LRRC1: variants seen among roughly 807,000 people sequenced by gnomAD.
LRRC1 encodes the protein leucine rich repeat containing 1, also known as leucine-rich repeat-containing protein 1.
LRRC1 carries 28 observed loss-of-function variants against 69.9 expected under a neutral mutation model. That is an observed-to-expected ratio of 0.40 (90% CI 0.30 to 0.55). LRRC1 has a LOEUF of 0.55. Ranked by LOEUF, LRRC1 falls within the 20% of genes least tolerant of loss-of-function variation. LRRC1 has a pLI of 0.47. For synonymous variants in LRRC1, 236 were observed against 240.2 expected, an observed-to-expected ratio of 0.98 and a Z score of 0.16; for missense variants, 498 against 609.0, an observed-to-expected ratio of 0.82 and a Z score of 1.92.
In LRRC1 at chr6:53,904,138, G is replaced by A. The variant is rs577686041; in HGVS notation, c.907-241G>A. 1.3e-5 allele frequency among the ~76,000 whole-genome samples: 2 copies of A among 152,308 alleles called. 1 individual carries two copies. Among genetic ancestry groups the A allele is most frequent in the South Asian group, 4.1e-4 (2 of 4,828 alleles). The stretch of plus-strand genomic sequence containing the variant: ...TTTTCCCTTTACAAGATGATTCCCT[G>A]TTCCCAGGTCTCTACTTTTGACTTC... On this transcript the variant is annotated intron_variant, in intron 9 of 13. Transcript: ENST00000370888.
intron 2 of LRRC1, among the ~76,000 whole-genome samples, chr6:53,877,680 A>C (rs1767120046): frequency 6.6e-6 from 1 of 152,166 alleles, no homozygotes; most frequent in South Asian, 2.1e-4. Context: ...AAACATAACA[A>C]GTCACCTTTG....
intron 1 of LRRC1, among the ~76,000 whole-genome samples, chr6:53,817,541 T>C (rs1764986852): frequency 6.6e-6 from 1 of 152,138 alleles, no homozygotes; most frequent in Admixed American, 6.5e-5. Flanking sequence ...AAAATCAAAC[T>C]TATTTCTCCT....
chr6:53,833,564 A>G (rs951833470), intron 1 of LRRC1, among the ~76,000 whole-genome samples: 2 of 152,250 alleles, frequency 1.3e-5, no homozygotes, highest in African/African-American at 4.8e-5. Flanking sequence ...CACACATGCT[A>G]ACACTCAGTG....
At chr6:53,868,524 C>A (rs889675570) in intron 2 of LRRC1, among the ~76,000 whole-genome samples, 4 of 152,128 alleles carry the variant, frequency 2.6e-5, no homozygotes, top group African/African-American at 9.7e-5. Context: ...CTGTGCCCAG[C>A]CAATATGATG....
intron 1 of LRRC1, among the ~76,000 whole-genome samples, chr6:53,830,936 G>A (rs1489101794): frequency 2.6e-5 from 1 of 38,760 alleles, no homozygotes; most frequent in Admixed American, 3.6e-4. Flanking sequence ...TTGAATAATA[G>A]TTATTATAAT....
chr6:53,900,689 T>C (rs967806279), intron 8 of LRRC1, among the ~76,000 whole-genome samples: 1 of 152,230 alleles, frequency 6.6e-6, no homozygotes, highest in African/African-American at 2.4e-5. Context: ...TTTATCATTC[T>C]GTGCTATTTT....
intron 3 of LRRC1, among the ~76,000 whole-genome samples, chr6:53,879,795 C>T (rs947474645): frequency 8.5e-5 from 13 of 152,088 alleles, no homozygotes; most frequent in African/African-American, 3.1e-4. Context: ...GTTGCCGAGG[C>T]ATGGCTGAGT....
chr6:53,809,963 A>G (rs965667748), intron 1 of LRRC1, among the ~76,000 whole-genome samples: 3 of 152,258 alleles, frequency 2.0e-5, no homozygotes, highest in African/African-American at 7.2e-5. Context: ...AGGGATAGAT[A>G]GAGTCACAGG....
intron 1 of LRRC1, among the ~76,000 whole-genome samples, chr6:53,837,377 A>G (rs1765642061): frequency 1.3e-5 from 2 of 152,268 alleles, no homozygotes; most frequent in South Asian, 2.1e-4. Flanking sequence ...CCATGCAACC[A>G]CATACAGGTG....
At chr6:53,910,017 C>G (rs144417442) in intron 10 of LRRC1, among the ~76,000 whole-genome samples, 15 of 152,222 alleles carry the variant, frequency 9.9e-5, no homozygotes, top group Non-Finnish European at 1.8e-4. Flanking sequence ...GGTGAGCTAA[C>G]CTGCAGGCAA....
intron 11 of LRRC1, 41 bp from the exon 12 acceptor site, chr6:53,919,457 G>C: frequency 1.4e-6 from 2 of 1,411,074 alleles, no homozygotes; most frequent in South Asian, 3.0e-5. Flanking sequence ...CAAAATTTGA[G>C]GTTGTGATGT....
At chr6:53,796,522 T>C (rs577991012) in intron 1 of LRRC1, among the ~76,000 whole-genome samples, 1 of 152,324 alleles carries the variant, frequency 6.6e-6, no homozygotes, top group East Asian at 1.9e-4. Flanking sequence ...AGCCAAATCA[T>C]TGTCACAGAA....
chr6:53,817,852 T>TA (rs1164280867), intron 1 of LRRC1, among the ~76,000 whole-genome samples: 3 of 151,392 alleles, frequency 2.0e-5, no homozygotes, highest in Non-Finnish European at 3.0e-5. Flanking sequence ...ATGTAGGTAC[T>TA]AAAAAAAAAT....
At chr6:53,892,019 C>T (rs1029891707) in intron 4 of LRRC1, among the ~76,000 whole-genome samples, 3,545 of 147,212 alleles carry the variant, frequency 0.024, 146 homozygotes, top group African/African-American at 0.079. Flanking sequence ...TATACACACA[C>T]ACACACACAC....
At chr6:53,879,120 T>C (rs200892251) in intron 3 of LRRC1, 49 bp downstream of exon 3, 1 of 1,310,210 alleles carries the variant, frequency 7.6e-7, no homozygotes, top group Admixed American at 1.7e-5. Flanking sequence ...AGTATCTTTT[T>C]TGAGAGCCAA....
At chr6:53,881,882 G>A (rs1767301348) in intron 3 of LRRC1, among the ~76,000 whole-genome samples, 1 of 152,106 alleles carries the variant, frequency 6.6e-6, no homozygotes, top group Non-Finnish European at 1.5e-5. Flanking sequence ...GGAAACCATA[G>A]AAATATTGAA....
intron 10 of LRRC1, among the ~76,000 whole-genome samples, chr6:53,910,085 A>G (rs1768362898): frequency 6.6e-6 from 1 of 152,084 alleles, no homozygotes; most frequent in Non-Finnish European, 1.5e-5. Context: ...TGCAGAACCT[A>G]TTTTCTTGAG....
chr6:53,796,765 A>G (rs1764315741), intron 1 of LRRC1, among the ~76,000 whole-genome samples: 1 of 152,196 alleles, frequency 6.6e-6, no homozygotes, highest in Admixed American at 6.5e-5. Context: ...TTTAGCTTAG[A>G]AGCAGCAAAG....
chr6:53,832,009 T>C (rs1295829044), intron 1 of LRRC1, among the ~76,000 whole-genome samples: 4 of 152,210 alleles, frequency 2.6e-5, no homozygotes, highest in African/African-American at 9.6e-5. Flanking sequence ...CTCTGAGTGC[T>C]GATTTTAATG....
Sources: allele counts gnomAD v4.1 joint callset (sites outside exome capture counted in the v4.1 genomes callset), GRCh38; gene constraint gnomAD v4.1.1; transcripts MANE v1.5; gene names NCBI Gene and HGNC (gene_info 2026-07-23, HGNC 2026-07-21).